TMEM230: variants seen among roughly 807,000 people sequenced by gnomAD.
TMEM230 encodes the protein UPF0414 transmembrane protein C20orf30.
In TMEM230, 10 loss-of-function variants were observed where a neutral mutation model predicts 15.8. The ratio of observed to expected loss-of-function variants is 0.63; its 90% CI spans 0.39 to 1.07. The LOEUF (loss-of-function observed/expected upper bound fraction) is 1.07. Among genes scored for constraint, TMEM230 ranks in the 50% least tolerant of loss-of-function variants. The pLI is 0.01. For missense variants in TMEM230, 165 were observed against 193.3 expected (o/e 0.85, Z 0.87); for synonymous variants, 67 against 76.9 (o/e 0.87, Z 0.68).
chr20:5,091,189 TTTG>T (rs569145645), intron 3 of TMEM230, among the ~76,000 whole-genome samples: 57 of 152,128 alleles, frequency 3.7e-4, no homozygotes, highest in East Asian at 7.7e-4. Flanking sequence ...TGTAAGGATT[TTTG>T]TTGTTGTTGT....
chr20:5,110,729 A>G (rs1600421574), intron 2 of TMEM230, among the ~76,000 whole-genome samples: 1 of 152,234 alleles, frequency 6.6e-6, no homozygotes, highest in East Asian at 1.9e-4. Context: ...AATATCTTAC[A>G]AAAAATTTTA....
downstream of TMEM230, among the ~76,000 whole-genome samples, chr20:5,095,401 C>G (rs2089637844): frequency 6.6e-6 from 1 of 152,206 alleles, no homozygotes; most frequent in South Asian, 2.1e-4. Context: ...TGTTCCACTC[C>G]TGCCACCGAC....
intron 3 of TMEM230, among the ~76,000 whole-genome samples, chr20:5,108,603 A>C (rs1440285630): frequency 6.6e-6 from 1 of 152,184 alleles, no homozygotes; most frequent in Non-Finnish European, 1.5e-5. Flanking sequence ...GAAGCTTCCC[A>C]GATCTTTCCA....
In TMEM230 at chr20:5,106,258, A is replaced by G. The variant is rs193920937; in HGVS notation, c.341T>C (p.Val114Ala). The G allele has an allele frequency of 1.2e-6, 2 of 1,614,174 alleles. No homozygotes were observed. The highest frequency in any genetic ancestry group is 4.5e-5 in the East Asian group (2 of 44,884). ...GAGAAAGGCGCCAATCAAAAACAGCACAGTGGCAAGTGCGATGGCCTTATA... is the reference window on the plus strand; with the variant it reads ...GAGAAAGGCGCCAATCAAAAACAGCGCAGTGGCAAGTGCGATGGCCTTATA... Residue 114 changes from valine to alanine, a missense_variant, in exon 4 of 5, where the codon GTG becomes GCG. Physicochemically the swap from Val to Ala is moderately conservative, Grantham distance 64. Transcript: ENST00000342308.
At chr20:5,068,253 T>G (rs1380552078), downstream of TMEM230, 3 of 152,234 alleles carry the variant, frequency 2.0e-5, no homozygotes, top group African/African-American at 4.8e-5. Flanking sequence ...GTTCCATTGG[T>G]CAGAACCTAG....
chr20:5,110,938 T>C (rs1236424483), intron 2 of TMEM230: 1 of 152,080 alleles, frequency 6.6e-6, no homozygotes, highest in African/African-American at 2.4e-5. Flanking sequence ...TCCCAGAACT[T>C]TGGGAGGCTG....
intron 3 of TMEM230, among the ~76,000 whole-genome samples, chr20:5,090,806 A>G (rs188078506): frequency 6.6e-6 from 1 of 152,298 alleles, no homozygotes; most frequent in East Asian, 1.9e-4. Flanking sequence ...ATGACCAAAG[A>G]GCAGCCCAAT....
intron 3 of TMEM230, among the ~76,000 whole-genome samples, chr20:5,074,339 G>A (rs781432515): frequency 1.3e-5 from 2 of 152,034 alleles, no homozygotes; most frequent in South Asian, 4.2e-4. Flanking sequence ...CACTGGAGAT[G>A]GTACCAAGAT....
In TMEM230 at chr20:5,100,381, A is replaced by G. The variant is rs1361830302; in HGVS notation, c.*410T>C. On this transcript the variant is annotated 3_prime_UTR_variant, in exon 5 of 5. Transcript: ENST00000342308. ...TAGGGATAAGTGTACAGGATAATAT[A>G]CTCAGATATTTTTAAAATAAATTAC... The G allele has an allele frequency of 3.0e-6, 3 of 989,674 alleles. No homozygotes were observed. Among genetic ancestry groups the G allele is most frequent in the East Asian group, 1.1e-4 (1 of 9,100 alleles). The allele number at this position is 989,674 out of a possible 1,614,324, so 61.3% of individuals were successfully genotyped here.
At chr20:5,067,148 T>G (rs1474476604), downstream of TMEM230, 1 of 151,816 alleles carries the variant, frequency 6.6e-6, no homozygotes, top group African/African-American at 2.4e-5. Flanking sequence ...TCTGCAGAGC[T>G]GGGTAAAAGA....
chr20:5,110,707 G>A (rs767603989), intron 2 of TMEM230, among the ~76,000 whole-genome samples: 1 of 151,878 alleles, frequency 6.6e-6, no homozygotes, highest in Non-Finnish European at 1.5e-5. Context: ...CTTAAGAAAC[G>A]GAATATGGTA....
intron 3 of TMEM230, among the ~76,000 whole-genome samples, chr20:5,106,732 G>A (rs1409000531): frequency 6.6e-6 from 1 of 152,070 alleles, no homozygotes; most frequent in Admixed American, 6.5e-5. Context: ...TAGAGACGGA[G>A]TCTTGCTCTA....
intron 4 of TMEM230, among the ~76,000 whole-genome samples, chr20:5,103,093 G>A (rs972491732): frequency 1.3e-5 from 2 of 152,204 alleles, no homozygotes; most frequent in South Asian, 2.1e-4. Context: ...ACCGGGTGTG[G>A]TGGCTCACGC....
chr20:5,112,740 T>C (rs2090377303), intron 1 of TMEM230: 3 of 1,450,594 alleles, frequency 2.1e-6, no homozygotes, highest in Non-Finnish European at 2.7e-6. Context: ...GTTATTCTCC[T>C]ACCCGTCTTC....
At chr20:5,104,726 T>C (rs2090002076) in intron 4 of TMEM230, among the ~76,000 whole-genome samples, 1 of 152,176 alleles carries the variant, frequency 6.6e-6, no homozygotes, top group Non-Finnish European at 1.5e-5. Flanking sequence ...TGCAACAACA[T>C]GGATGAAACT....
At chr20:5,112,135 C>T (rs975713905) in intron 1 of TMEM230, among the ~76,000 whole-genome samples, 7 of 152,188 alleles carry the variant, frequency 4.6e-5, no homozygotes, top group Admixed American at 1.3e-4. Context: ...TGAGCCAGCG[C>T]GCCCGGCCTA....
At chr20:5,111,466 G>C (rs538008323) in intron 2 of TMEM230, 1 of 186,724 alleles carries the variant, frequency 5.4e-6, no homozygotes, top group Non-Finnish European at 1.2e-5. Flanking sequence ...AAAATTAGCC[G>C]GGCATGGTGG....
downstream of TMEM230, chr20:5,099,764 C>A: frequency 1.2e-6 from 1 of 804,452 alleles, no homozygotes; most frequent in African/African-American, 1.9e-5. Flanking sequence ...TTGAGTGTGA[C>A]CCACAATGCC....
intron 3 of TMEM230, among the ~76,000 whole-genome samples, chr20:5,106,743 T>G (rs915557016): frequency 6.6e-6 from 1 of 152,086 alleles, no homozygotes; most frequent in Non-Finnish European, 1.5e-5. Context: ...TCTTGCTCTA[T>G]CACCCAGGCT....
Sources: gnomAD v4.1 joint callset for allele counts (sites outside exome capture counted in the v4.1 genomes callset) on GRCh38, gnomAD v4.1.1 for gene constraint, MANE v1.5 for transcripts, NCBI Gene and HGNC (gene_info 2026-07-23, HGNC 2026-07-21) for gene names.